The following DSCAML1 variants were observed in gnomAD, a reference collection of about 807,000 sequenced individuals.
The protein encoded by DSCAML1 is DS cell adhesion molecule like 1.
Under a neutral mutation model 200.5 loss-of-function variants are expected in DSCAML1, and 38 were observed. The ratio of observed to expected loss-of-function variants is 0.19; its 90% CI spans 0.15 to 0.25. DSCAML1 has a LOEUF of 0.25. DSCAML1 is among the 10% of genes least tolerant of loss of function. The pLI, the probability that DSCAML1 is intolerant of heterozygous loss-of-function variation, is 1.00. For missense variants in DSCAML1, 2,223 were observed against 2,858.8 expected, an observed-to-expected ratio of 0.78 and a Z score of 5.07; for synonymous variants, 1,215 against 1,165.0, an observed-to-expected ratio of 1.04 and a Z score of -0.87.
chr11:117,746,562 C>T (rs985805137), intron 3 of DSCAML1, among the ~76,000 whole-genome samples: 2 of 152,158 alleles, frequency 1.3e-5, no homozygotes, highest in African/African-American at 4.8e-5. Context: ...AGCCTCCCTC[C>T]GCGCTGCCAT....
At chr11:117,667,867 G>A (rs1176896587) in intron 3 of DSCAML1, among the ~76,000 whole-genome samples, 1 of 152,226 alleles carries the variant, frequency 6.6e-6, no homozygotes, top group Non-Finnish European at 1.5e-5. Context: ...ATCGAAGGCA[G>A]ATTTGTGTTT....
intron 3 of DSCAML1, among the ~76,000 whole-genome samples, chr11:117,573,229 G>A (rs932097298): frequency 5.3e-5 from 8 of 152,338 alleles, no homozygotes; most frequent in Non-Finnish European, 1.2e-4. Flanking sequence ...TACGCTGGCC[G>A]TACGCTCTCT....
chr11:117,523,414 C>T (rs1321939960), intron 5 of DSCAML1, among the ~76,000 whole-genome samples: 1 of 152,162 alleles, frequency 6.6e-6, no homozygotes, highest in African/African-American at 2.4e-5. Context: ...GCTCTGCTGT[C>T]CAGGGCTTGT....
chr11:117,764,499 T>C (rs1254878771), intron 3 of DSCAML1, among the ~76,000 whole-genome samples: 2 of 152,244 alleles, frequency 1.3e-5, no homozygotes, highest in East Asian at 1.9e-4. Flanking sequence ...ACAGCACCCA[T>C]CACGCACACA....
intron 3 of DSCAML1, among the ~76,000 whole-genome samples, chr11:117,582,112 G>A (rs1299111209): frequency 6.6e-6 from 1 of 152,182 alleles, no homozygotes. Flanking sequence ...AAGGGTATCT[G>A]GGACTCGCAG....
chr11:117,523,557 T>C (rs1451382328), intron 5 of DSCAML1, among the ~76,000 whole-genome samples: 1 of 152,134 alleles, frequency 6.6e-6, no homozygotes, highest in African/African-American at 2.4e-5. Flanking sequence ...AGTGAATTTG[T>C]GTTGGGGCGC....
In DSCAML1 at chr11:117,437,916, CGAT is replaced by C; in HGVS notation, c.4408_4410del (p.Ile1470del). The C allele has an allele frequency of 1.2e-6, 2 of 1,611,268 alleles. No homozygotes were observed. Among genetic ancestry groups the C allele is most frequent in the African/African-American group, 2.7e-5 (2 of 74,996 alleles). On this transcript the variant is annotated inframe_deletion, in exon 25 of 33. Transcript: ENST00000651296. This position sits in a 1 kb window ranked among gnomAD's most constrained non-coding sequence, Gnocchi z 5.3. ...TCACCCCGCCCGTGGGTCTTGGCCT[CGAT>C]GATCTCGCTGATGCGCCCAGAGCCC...
At chr11:117,481,129 G>A (rs772322840) in intron 13 of DSCAML1, 45 bp downstream of exon 13, 12 of 1,585,994 alleles carry the variant, frequency 7.6e-6, no homozygotes, top group Non-Finnish European at 1.0e-5. Context: ...TGGGCCCCTG[G>A]GCCCTGGGGA....
intron 3 of DSCAML1, among the ~76,000 whole-genome samples, chr11:117,758,967 A>G (rs761270349): frequency 6.6e-5 from 10 of 152,170 alleles, no homozygotes; most frequent in Non-Finnish European, 1.2e-4. Flanking sequence ...ATGCCTACCC[A>G]TGATAAACAA....
At chr11:117,631,046 A>G (rs2052162237) in intron 3 of DSCAML1, among the ~76,000 whole-genome samples, 1 of 152,234 alleles carries the variant, frequency 6.6e-6, no homozygotes. Flanking sequence ...TGAAATTCTA[A>G]TATTTTATAG....
At chr11:117,776,112 T>C (rs1407849264) in intron 3 of DSCAML1, among the ~76,000 whole-genome samples, 1 of 152,150 alleles carries the variant, frequency 6.6e-6, no homozygotes, top group African/African-American at 2.4e-5. Context: ...CTCTTGGGGC[T>C]TCTATACCTG....
intron 18 of DSCAML1, among the ~76,000 whole-genome samples, chr11:117,460,780 T>C (rs1044486352): frequency 2.0e-5 from 3 of 152,172 alleles, no homozygotes; most frequent in African/African-American, 7.2e-5. Flanking sequence ...TGCGCACCTC[T>C]CTGCCCTTCT....
At position 117,615,574 on chromosome 11, in the gene DSCAML1, G is replaced by A. The variant is rs73590615; in HGVS notation, c.512-83052C>T. 4.6e-3 allele frequency among the ~76,000 whole-genome samples: 704 copies of A among 152,178 alleles called. 4 individuals carry two copies. Among genetic ancestry groups the A allele is most frequent in the African/African-American group, 0.016 (656 of 41,496 alleles). On this transcript the variant is annotated intron_variant, in intron 3 of 32. Transcript: ENST00000651296. Reference sequence around the variant, plus strand: ...CAGTTTTAGGGAGAGGTACAGGCAGGTCTCTCACCCCCCAGGTGTTGGTGG... The same window carrying A: ...CAGTTTTAGGGAGAGGTACAGGCAGATCTCTCACCCCCCAGGTGTTGGTGG...
intron 3 of DSCAML1, among the ~76,000 whole-genome samples, chr11:117,727,100 T>C (rs1439535696): frequency 6.6e-6 from 1 of 152,154 alleles, no homozygotes; most frequent in Admixed American, 6.5e-5. Flanking sequence ...ATTAAGTAGG[T>C]ACTGTTCTTA....
intron 17 of DSCAML1, among the ~76,000 whole-genome samples, chr11:117,462,765 C>A (rs2048505528): frequency 6.6e-6 from 1 of 152,150 alleles, no homozygotes; most frequent in African/African-American, 2.4e-5. Flanking sequence ...AAGCAGGGGC[C>A]CTTGAATACC....
chr11:117,623,627 C>A (rs576959592), intron 3 of DSCAML1, among the ~76,000 whole-genome samples: 9 of 152,260 alleles, frequency 5.9e-5, no homozygotes, highest in African/African-American at 2.2e-4. Context: ...ATAAACAGAG[C>A]CAGTTTCCTT....
chr11:117,690,934 T>G lies in DSCAML1; in HGVS notation c.511+85857A>C, dbSNP rs144662873. Among the ~76,000 whole-genome samples, 721 of 152,244 alleles carry G rather than the reference T, an allele frequency of 4.7e-3. 3 individuals carry two copies. The highest frequency in any genetic ancestry group is 7.7e-3 in the Non-Finnish European group (524 of 68,012). On this transcript the variant is annotated intron_variant, in intron 3 of 32. Transcript: ENST00000651296. ...GAGACTGTTGGTTTGAAGCAAGGGTTCCACAGCTAAAACCTCAAACCAAAA... is the reference window on the plus strand; with the variant it reads ...GAGACTGTTGGTTTGAAGCAAGGGTGCCACAGCTAAAACCTCAAACCAAAA...
intron 31 of DSCAML1, 84 bp from the exon 32 acceptor site, chr11:117,431,117 C>T (rs1422857620): frequency 2.2e-6 from 3 of 1,355,532 alleles, no homozygotes; most frequent in Middle Eastern, 2.1e-4. Context: ...CCCGTAACCC[C>T]AGCAGCCATC....
At chr11:117,697,105 G>T (rs1175548358) in intron 3 of DSCAML1, among the ~76,000 whole-genome samples, 1 of 152,170 alleles carries the variant, frequency 6.6e-6, no homozygotes, top group Non-Finnish European at 1.5e-5. Flanking sequence ...ATCAATAAGG[G>T]AACCATGGCT....
Sources: allele counts gnomAD v4.1 joint callset (sites outside exome capture counted in the v4.1 genomes callset), GRCh38; gene constraint gnomAD v4.1.1; non-coding constraint Gnocchi (gnomAD v3.1); transcripts MANE v1.5; gene names NCBI Gene and HGNC (gene_info 2026-07-23, HGNC 2026-07-21).